Variants in COL25A1 observed in about 807,000 individuals in gnomAD.
COL25A1 encodes collagen alpha-1(XXV) chain.
COL25A1 carries 103 observed loss-of-function variants against 128.4 expected under a neutral mutation model. The ratio of observed to expected loss-of-function variants is 0.80; its 90% CI spans 0.68 to 0.94. COL25A1 has a LOEUF of 0.94. COL25A1 is among the 40% of genes least tolerant of loss of function. COL25A1 has a pLI of 0.00. For missense variants in COL25A1, 745 were observed against 840.0 expected, an observed-to-expected ratio of 0.89 and a Z score of 1.40; for synonymous variants, 279 against 277.2, an observed-to-expected ratio of 1.01 and a Z score of -0.06.
chr4:109,013,755 AACC>A (rs1756930691), intron 5 of COL25A1, among the ~76,000 whole-genome samples: 1 of 152,206 alleles, frequency 6.6e-6, no homozygotes, highest in Non-Finnish European at 1.5e-5. Flanking sequence ...CCACGAACCC[AACC>A]GAAGGAAGAA....
chr4:108,914,741 T>C (rs1055707609), intron 13 of COL25A1, among the ~76,000 whole-genome samples: 16 of 146,926 alleles, frequency 1.1e-4, no homozygotes, highest in African/African-American at 3.7e-4. Context: ...ACTGTAACCT[T>C]GAACTGGGCT....
intron 11 of COL25A1, among the ~76,000 whole-genome samples, chr4:108,937,339 T>A (rs1287440798): frequency 6.6e-6 from 1 of 152,146 alleles, no homozygotes; most frequent in Non-Finnish European, 1.5e-5. Context: ...AGGACCATTT[T>A]TTTTTTTTAA....
intron 3 of COL25A1, among the ~76,000 whole-genome samples, chr4:109,081,440 AT>A (rs1303699771): frequency 6.6e-6 from 1 of 152,094 alleles, no homozygotes; most frequent in African/African-American, 2.4e-5. Context: ...AAACTATACT[AT>A]TTTTTCGGAA....
chr4:108,984,875 C>T (rs1753501235), intron 6 of COL25A1, among the ~76,000 whole-genome samples: 2 of 152,250 alleles, frequency 1.3e-5, no homozygotes, highest in African/African-American at 2.4e-5. Context: ...CGCCAAGAGC[C>T]AGCGACGGCT....
At chr4:109,088,655 C>T (rs557138358) in intron 3 of COL25A1, among the ~76,000 whole-genome samples, 24 of 152,222 alleles carry the variant, frequency 1.6e-4, no homozygotes, top group African/African-American at 5.5e-4. Context: ...TTGTTAAGAA[C>T]CGGGTAACGT....
intron 25 of COL25A1, among the ~76,000 whole-genome samples, chr4:108,852,564 T>C (rs1463916183): frequency 1.3e-5 from 2 of 152,142 alleles, no homozygotes; most frequent in Non-Finnish European, 2.9e-5. Context: ...ACTCATCGTA[T>C]TGGGATGAAT....
chr4:108,976,348 T>G (rs1388645692), intron 6 of COL25A1, among the ~76,000 whole-genome samples: 1 of 152,208 alleles, frequency 6.6e-6, no homozygotes, highest in African/African-American at 2.4e-5. Flanking sequence ...ATGTACCTTT[T>G]CCCCATTATA....
intron 3 of COL25A1, among the ~76,000 whole-genome samples, chr4:109,117,611 C>T (rs1767724245): frequency 6.6e-6 from 1 of 151,846 alleles, no homozygotes; most frequent in Non-Finnish European, 1.5e-5. Flanking sequence ...ACTGTTATTT[C>T]CCTTATTCTT....
At chr4:109,140,376 C>T (rs1414030091) in intron 3 of COL25A1, among the ~76,000 whole-genome samples, 2 of 152,194 alleles carry the variant, frequency 1.3e-5, no homozygotes, top group African/African-American at 4.8e-5. Context: ...ATGCCTCCAG[C>T]TTTGTTCTTT....
intron 6 of COL25A1, among the ~76,000 whole-genome samples, chr4:108,975,036 G>A (rs1752297630): frequency 6.6e-6 from 1 of 152,198 alleles, no homozygotes; most frequent in South Asian, 2.1e-4. Context: ...ATAATTTTGT[G>A]TGTAGTTGTA....
rs574564440 is a variant in COL25A1 at position 109,269,209 on chromosome 4, C to A, written c.367+31374G>T. The stretch of plus-strand genomic sequence containing the variant: ...TTGGTTTTTTGTTCTTGCGATAGTT[C>A]ACTGAGAATGATGGTTTCCAATTTC... On this transcript the variant is annotated intron_variant, in intron 3 of 37. Coordinates refer to ENST00000399132, the MANE Select transcript of COL25A1 (RefSeq NM_198721.4). 4.8e-3 allele frequency among the ~76,000 whole-genome samples: 725 copies of A among 151,698 alleles called. 2 individuals are homozygous for A. Among genetic ancestry groups the A allele is most frequent in the Non-Finnish European group, 8.2e-3 (555 of 67,932 alleles).
chr4:109,052,697 T>A (rs1761107666), intron 3 of COL25A1, among the ~76,000 whole-genome samples: 1 of 152,166 alleles, frequency 6.6e-6, no homozygotes, highest in African/African-American at 2.4e-5. Flanking sequence ...ACTGTGCAGA[T>A]AAGATAATTT....
chr4:109,237,796 A>C (rs1451216918), intron 3 of COL25A1, among the ~76,000 whole-genome samples: 1 of 152,008 alleles, frequency 6.6e-6, no homozygotes, highest in Non-Finnish European at 1.5e-5. Context: ...GCAAAACTGA[A>C]ACTCTGTGCC....
Position 108,881,992 on chromosome 4 carries a change from T to C in COL25A1, c.1020+2186A>G, listed in dbSNP as rs546737148. ...GTCAATTAATAGCTTCTTTTCACTA[T>C]AGTCAGCAGTCAAGGAGAGAAAAAC... On this transcript the variant is annotated intron_variant, in intron 19 of 37. Coordinates refer to ENST00000399132, the MANE Select transcript of COL25A1 (RefSeq NM_198721.4). 1.3e-3 allele frequency among the ~76,000 whole-genome samples: 205 copies of C among 152,328 alleles called. 1 individual carries two copies. The highest frequency in any genetic ancestry group is 4.7e-3 in the African/African-American group (194 of 41,580).
At chr4:109,208,262 G>T (rs1307341319) in intron 3 of COL25A1, among the ~76,000 whole-genome samples, 1 of 152,108 alleles carries the variant, frequency 6.6e-6, no homozygotes, top group East Asian at 1.9e-4. Context: ...TCTTATGCTT[G>T]TGAATCCGAG....
At chr4:109,163,859 T>G (rs1041629128) in intron 3 of COL25A1, among the ~76,000 whole-genome samples, 1 of 152,198 alleles carries the variant, frequency 6.6e-6, no homozygotes, top group African/African-American at 2.4e-5. Context: ...AAATAATTCA[T>G]AAGGATTTCC....
intron 8 of COL25A1, among the ~76,000 whole-genome samples, chr4:108,963,947 T>C (rs1258492997): frequency 6.6e-6 from 1 of 151,420 alleles, no homozygotes; most frequent in Non-Finnish European, 1.5e-5. Context: ...AGAATAATAT[T>C]GCAGTTTACA....
intron 3 of COL25A1, among the ~76,000 whole-genome samples, chr4:109,121,131 C>G (rs1768073329): frequency 6.6e-6 from 1 of 151,940 alleles, no homozygotes; most frequent in South Asian, 2.1e-4. Flanking sequence ...GGCAAAAGAT[C>G]CAGAATAACT....
chr4:109,060,759 A>G (rs1262424859), intron 3 of COL25A1, among the ~76,000 whole-genome samples: 1 of 151,650 alleles, frequency 6.6e-6, no homozygotes, highest in Non-Finnish European at 1.5e-5. Context: ...TTGGGCTGTC[A>G]TGACACAATT....
Sources: gnomAD v4.1 joint callset for allele counts (sites outside exome capture counted in the v4.1 genomes callset) on GRCh38, gnomAD v4.1.1 for gene constraint, MANE v1.5 for transcripts, NCBI Gene and HGNC (gene_info 2026-07-23, HGNC 2026-07-21) for gene names.